SCNN1D: variants seen among roughly 807,000 people sequenced by gnomAD.
The protein encoded by SCNN1D is sodium channel epithelial 1 subunit delta.
A neutral mutation model predicts 87.8 loss-of-function variants in SCNN1D; 104 were observed. The observed-to-expected ratio is 1.18, with a 90% CI of 1.01 to 1.39. The LOEUF is 1.39. Among genes scored for constraint, SCNN1D ranks in the 40% most tolerant of loss-of-function variants. The pLI is 0.00. For synonymous variants in SCNN1D, 628 were observed against 481.2 expected, an observed-to-expected ratio of 1.31 and a Z score of -3.99; for missense variants, 1,324 against 1,093.9, an observed-to-expected ratio of 1.21 and a Z score of -2.97.
chr1:1,281,088 C>T, intron 1 of SCNN1D, 138 bp from the exon 2 acceptor site: 1 of 818,172 alleles, frequency 1.2e-6, no homozygotes, highest in African/African-American at 1.7e-5. Context: ...GGCTGCCTGT[C>T]TATTGCACCA....
intron 3 of SCNN1D, 96 bp from the exon 4 acceptor site, chr1:1,282,146 A>C: frequency 2.7e-6 from 2 of 752,574 alleles, no homozygotes; most frequent in South Asian, 3.3e-5. Context: ...TTGGAGAGGC[A>C]CCCCAGCCCC....
Position 1,291,132 on chromosome 1 carries a change from G to C in SCNN1D, c.2044G>C (p.Val682Leu), listed in dbSNP as rs114257304. ...LNYRSVEEAP[V>L]YSVPQLLSAM... The stretch of plus-strand genomic sequence containing the variant: ...CTACCGCTCAGTGGAGGAGGCGCCC[G>C]TGTACTCGGTGAGCCTTGGCCCCCT... Residue 682 changes from valine (V) to leucine (L), a missense_variant, in exon 17 of 18, where the codon GTG (valine) becomes CTG (leucine). Val to Leu is a conservative substitution (Grantham distance 32, BLOSUM62 1). Coordinates refer to ENST00000379116, the MANE Select transcript of SCNN1D (RefSeq NM_001130413.4). 10 of 1,611,598 alleles carry C rather than the reference G, an allele frequency of 6.2e-6. No individual in the cohort carries two copies. Among genetic ancestry groups the C allele is most frequent in the Non-Finnish European group, 8.5e-6 (10 of 1,179,454 alleles).
At position 1,291,471 on chromosome 1, in the gene SCNN1D, C is replaced by G. The variant is rs61730205; in HGVS notation, c.2270C>G (p.Pro757Arg). 1 of 1,608,574 alleles carries G rather than the reference C, an allele frequency of 6.2e-7. No homozygotes were observed. The highest frequency in any genetic ancestry group is 8.5e-7 in the Non-Finnish European group (1 of 1,177,374). Residue 757 changes from proline (P) to arginine (R), a missense_variant, in exon 18 of 18, where the codon CCG (proline) becomes CGG (arginine). Transcript: ENST00000379116. The stretch of plus-strand genomic sequence containing the variant: ...AAGCCAGAGGCCAGTCAGATGCCCC[C>G]GCCTGCAGGCGGCACGTCAGATGAC... ...SIKPEASQMP[P>R]PAGGTSDDPE...
rs1162869957 is a variant in SCNN1D, at chr1:1,286,813, C to G, written c.957C>G (p.Ala319=). 6.2e-7 allele frequency: 1 copy of G among 1,612,568 alleles called. No homozygotes were observed. Among genetic ancestry groups the G allele is most frequent in the South Asian group, 1.1e-5 (1 of 91,086 alleles). ...ATCTGGAGCTGCTGGACGAGTTTGC[C>G]AGGGAGAACATTGACTCCCTGTACA... ...LRHLELLDEF[A]RENIDSLYNV... Residue 319 remains alanine (A), a synonymous_variant, in exon 8 of 18, where the codon GCC becomes GCG. Coordinates refer to ENST00000379116, the MANE Select transcript of SCNN1D (RefSeq NM_001130413.4).
At position 1,286,220 on chromosome 1, in the gene SCNN1D, G is replaced by A; in HGVS notation, c.853G>A (p.Val285Met). The A allele has an allele frequency of 1.3e-6, 2 of 1,598,768 alleles. No individual in the cohort carries two copies. Among genetic ancestry groups the A allele is most frequent in the Non-Finnish European group, 8.5e-7 (1 of 1,177,488 alleles). Residue 285 changes from valine (V) to methionine (M), a missense_variant, in exon 7 of 18, where the codon GTG (valine) becomes ATG (methionine). Coordinates refer to ENST00000379116, the MANE Select transcript of SCNN1D (RefSeq NM_001130413.4). ...WHRPVLMAVS[V>M]HSERKLLPLV... ...CCGCCCGGTCCTCATGGCCGTCTCT[G>A]TGCACTCGGAGCGCAAGCTGCTCCC... is the stretch of plus-strand genomic sequence containing the variant.
At chr1:1,286,631 C>G (rs1321339572) in intron 7 of SCNN1D, 137 bp from the exon 8 acceptor site, 2 of 843,172 alleles carry the variant, frequency 2.4e-6, no homozygotes, top group Non-Finnish European at 3.7e-6. Context: ...GCCTCCAACT[C>G]CAGCTCTGGG....
chr1:1,289,581 CCGTGTCTCTGCTCCGT>C (rs1557585493), intron 12 of SCNN1D, among the ~76,000 whole-genome samples: 1 of 19,630 alleles, frequency 5.1e-5, no homozygotes, highest in Non-Finnish European at 7.5e-5. Flanking sequence ...CTGCTCCGTC[CCGTGTCTCTGCTCCGT>C]CCCGTGTCTC....
rs372237576 is a variant in SCNN1D, at chr1:1,290,492, G to A, written c.1796G>A (p.Arg599His). The stretch of plus-strand genomic sequence containing the variant: ...CCTCCCCAAGGACACTGCTTCTACC[G>A]CCTCTACCAGGACCTGGAGACCCAC... ...RHPAWGHCFY[R>H]LYQDLETHRL... The change falls in exon 14 of 18, where the codon CGC (arginine) becomes CAC (histidine). Residue 599 changes from arginine to histidine, a missense_variant. Physicochemically the swap from Arg to His is conservative, Grantham distance 29. Coordinates refer to ENST00000379116, the MANE Select transcript of SCNN1D (RefSeq NM_001130413.4). The A allele has an allele frequency of 1.5e-4, 248 of 1,612,480 alleles. 1 individual carries two copies. The highest frequency in any genetic ancestry group is 5.6e-4 in the South Asian group (51 of 91,086).
chr1:1,286,599 GC>G (rs1640596646), intron 7 of SCNN1D, among the ~76,000 whole-genome samples, 168 bp from the exon 8 acceptor site: 1 of 152,114 alleles, frequency 6.6e-6, no homozygotes, highest in Non-Finnish European at 1.5e-5. Context: ...GGGCTCCGGG[GC>G]CGACCTCACC....
At chr1:1,281,062 G>A (rs751666981) in intron 1 of SCNN1D, 164 bp from the exon 2 acceptor site, 23 of 694,060 alleles carry the variant, frequency 3.3e-5, no homozygotes, top group South Asian at 1.1e-4. Flanking sequence ...CCATGCCCAC[G>A]GGAATCCCGA....
intron 9 of SCNN1D, 85 bp downstream of exon 9, chr1:1,287,384 G>A (rs1197786701): frequency 6.7e-7 from 1 of 1,491,274 alleles, no homozygotes; most frequent in Non-Finnish European, 9.0e-7. Context: ...GCTGTATGCT[G>A]GGAGCCACCC....
In SCNN1D at chr1:1,291,781, C is replaced by G; in HGVS notation, c.*171C>G. 1.9e-6 allele frequency: 1 copy of G among 514,496 alleles called. No homozygotes were observed. Among genetic ancestry groups the G allele is most frequent in the South Asian group, 3.5e-5 (1 of 28,282 alleles). The allele number at this position is 514,496 out of a possible 1,614,324, so 31.9% of individuals were successfully genotyped here. On this transcript the variant is annotated 3_prime_UTR_variant, in exon 18 of 18. Coordinates refer to ENST00000379116, the MANE Select transcript of SCNN1D (RefSeq NM_001130413.4). ...GGCGCCTCTGGTCAAACCACCTACACTGCCTGGGGTGGGTCTCAAGGAGGC... is the reference window on the plus strand; with the variant it reads ...GGCGCCTCTGGTCAAACCACCTACAGTGCCTGGGGTGGGTCTCAAGGAGGC...
rs759408618 is a variant in SCNN1D at position 1,290,240 on chromosome 1, C to T, written c.1663-31C>T. The T allele has an allele frequency of 2.7e-6, 4 of 1,497,760 alleles. No homozygotes were observed. The South Asian group carries it at 3.9e-5, about 15-fold the overall frequency. The allele number at this position is 1,497,760 out of a possible 1,614,324, so 92.8% of individuals were successfully genotyped here. On this transcript the variant is annotated intron_variant, in intron 12 of 17. Transcript: ENST00000379116. The stretch of plus-strand genomic sequence containing the variant: ...CCGTCCCCCATGTCTCCGCTCCATC[C>T]CATGTCCCTGCTCATCCCCCCTGTC...
chr1:1,290,088 CGT>C lies in SCNN1D; in HGVS notation c.1663-182_1663-181del. Among the ~76,000 whole-genome samples, 204 of 134,060 alleles carry C rather than the reference CGT, an allele frequency of 1.5e-3. 2 individuals are homozygous for C. The highest frequency in any genetic ancestry group is 2.2e-3 in the Non-Finnish European group (137 of 63,206). The allele number at this position is 134,060 out of a possible 152,430, so 87.9% of individuals were successfully genotyped here. A position where few individuals can be genotyped will look rare whatever the true frequency, so the allele number is the denominator to read the frequency against. On this transcript the variant is annotated intron_variant, in intron 12 of 17. Transcript: ENST00000379116. ...TCTGCTCCGTCCCGTGTCTCTGCTC[CGT>C]CCCGTGTCTCTGCTCCGTCCCGTGT...
Position 1,288,296 on chromosome 1 carries a change from C to CCCGA in SCNN1D, c.1662+259_1662+260insCCGA, listed in dbSNP as rs1302257135. On this transcript the variant is annotated intron_variant, in intron 12 of 17. Transcript: ENST00000379116. ...CGTCCCCCGAGTCTCTGCTCCGTCC[C>CCCGA]GTGTCTGCTCCGTCCCGTGTCCCTG... is the stretch of plus-strand genomic sequence containing the variant. Among the ~76,000 whole-genome samples, 3 of 78,054 alleles carry CCCGA rather than the reference C, an allele frequency of 3.8e-5. 1 individual carries two copies. The highest frequency in any genetic ancestry group is 2.7e-4 in the African/African-American group (2 of 7,334). 51.2% of individuals were successfully genotyped at this position (78,054 alleles called of 152,430 possible).
chr1:1,290,555 G>T lies in SCNN1D; in HGVS notation c.1859G>T (p.Arg620Met), dbSNP rs771165969. 2 of 1,612,640 alleles carry T rather than the reference G, an allele frequency of 1.2e-6. No individual in the cohort carries two copies. Among genetic ancestry groups the T allele is most frequent in the South Asian group, 2.2e-5 (2 of 91,082 alleles). ...ACCTCCCGCTGCCCCAGGCCCTGCA[G>T]GTGAGACGGGGGTGTTGGGGTCGCG... ...PCTSRCPRPC[R>M]ESAFKLSTGT... The change falls in exon 14 of 18, where the codon AGG (arginine) becomes ATG (methionine). Residue 620 changes from arginine to methionine, a missense_variant and splice_region_variant. Coordinates refer to ENST00000379116, the MANE Select transcript of SCNN1D (RefSeq NM_001130413.4).
At position 1,285,856 on chromosome 1, in the gene SCNN1D, A is replaced by T. The variant is rs1238153346; in HGVS notation, c.559-70A>T. ...GGCGGGGCACTGGTGGCTGACAGAC[A>T]TGACAGGCCCAGGGTAGGGAGGCCT... is the stretch of plus-strand genomic sequence containing the variant. On this transcript the variant is annotated intron_variant, in intron 6 of 17. Coordinates refer to ENST00000379116, the MANE Select transcript of SCNN1D (RefSeq NM_001130413.4). 4.1e-5 allele frequency: 59 copies of T among 1,433,762 alleles called. 1 individual carries two copies. The highest frequency in any genetic ancestry group is 5.1e-5 in the Non-Finnish European group (54 of 1,065,890). The allele number at this position is 1,433,762 out of a possible 1,614,324, so 88.8% of individuals were successfully genotyped here. A position where few individuals can be genotyped will look rare whatever the true frequency, so the allele number is the denominator to read the frequency against.
chr1:1,285,804 G>A (rs924442693), intron 6 of SCNN1D, 122 bp from the exon 7 acceptor site: 1 of 1,214,108 alleles, frequency 8.2e-7, no homozygotes, highest in Non-Finnish European at 1.1e-6. Context: ...CCCTGGGAGG[G>A]GCTTGTCCGA....
rs1640614028 is a variant in SCNN1D, at chr1:1,287,226, G to T, written c.1237G>T (p.Glu413Ter). The T allele has an allele frequency of 2.5e-6, 4 of 1,611,630 alleles. No homozygotes were observed. Among genetic ancestry groups the T allele is most frequent in the Non-Finnish European group, 3.4e-6 (4 of 1,179,522 alleles). ...CCTGGCCCTGCTGCCCGCGGCATGGGAGGACAGCCACGGGAGCCAGGACGG... is the reference window on the plus strand; with the variant it reads ...CCTGGCCCTGCTGCCCGCGGCATGGTAGGACAGCCACGGGAGCCAGGACGG... ...DILALLPAAW[E>*]DSHGSQDGHF... The change falls in exon 9 of 18, where the codon GAG (glutamate) becomes TAG (stop). Residue 413 changes from glutamate (E) to a stop codon, truncating the protein, a stop_gained. Transcript: ENST00000379116. LOFTEE classifies it high-confidence loss of function.
Sources: gnomAD v4.1 joint callset for allele counts (sites outside exome capture counted in the v4.1 genomes callset) on GRCh38, gnomAD v4.1.1 for gene constraint, MANE v1.5 for transcripts, NCBI Gene and HGNC (gene_info 2026-07-23, HGNC 2026-07-21) for gene names.